The following LRP1B variants were observed in gnomAD, a reference collection of about 807,000 sequenced individuals.
The protein encoded by LRP1B is LDL receptor related protein 1B, also known as low-density lipoprotein receptor-related protein 1B.
A neutral mutation model predicts 556.6 loss-of-function variants in LRP1B; 217 were observed. The ratio of observed to expected loss-of-function variants is 0.39; its 90% CI spans 0.35 to 0.44. The LOEUF is 0.44. LRP1B is among the 20% of genes least tolerant of loss of function. The probability of loss-of-function intolerance (pLI) is 1.00; values close to 1 mark genes in which losing one functional copy is unlikely to be tolerated. For synonymous variants in LRP1B, 2,047 were observed against 1,865.8 expected, an observed-to-expected ratio of 1.10 and a Z score of -2.50; for missense variants, 5,053 against 5,620.8, an observed-to-expected ratio of 0.90 and a Z score of 3.23.
chr2:140,339,081 C>A lies in LRP1B; in HGVS notation c.11893-3243G>T, dbSNP rs140039734. Among the ~76,000 whole-genome samples, 650 of 151,840 alleles carry A rather than the reference C, an allele frequency of 4.3e-3. 9 individuals carry two copies. The highest frequency in any genetic ancestry group is 0.042 in the East Asian group (217 of 5,136). On this transcript the variant is annotated intron_variant, in intron 77 of 90. Transcript: ENST00000389484. ...TCTAACAAGCTCTCTAAATACACAG[C>A]CAGTTTTGAGACCTGAGGCATCCTT...
intron 3 of LRP1B, among the ~76,000 whole-genome samples, chr2:141,471,125 A>G (rs1682446764): frequency 6.6e-6 from 1 of 152,166 alleles, no homozygotes; most frequent in Admixed American, 6.5e-5. Context: ...CAAGTTTTAT[A>G]ATTACAGTAA....
chr2:141,051,287 A>G (rs1175986419), intron 10 of LRP1B, among the ~76,000 whole-genome samples: 4 of 152,106 alleles, frequency 2.6e-5, no homozygotes, highest in Non-Finnish European at 4.4e-5. Flanking sequence ...CTATATACCC[A>G]AAGGATTATA....
chr2:141,941,144 A>T (rs540043134), intron 1 of LRP1B, among the ~76,000 whole-genome samples: 5 of 152,376 alleles, frequency 3.3e-5, no homozygotes, highest in African/African-American at 1.2e-4. Flanking sequence ...TAGTTAAGCA[A>T]CATAAAAGGA....
At chr2:140,987,293 T>A (rs189506085) in intron 17 of LRP1B, among the ~76,000 whole-genome samples, 1 of 152,130 alleles carries the variant, frequency 6.6e-6, no homozygotes, top group Non-Finnish European at 1.5e-5. Context: ...GCTCTTAAGG[T>A]GGCATTTAAG....
At chr2:140,884,697 A>C (rs77636460) in intron 24 of LRP1B, among the ~76,000 whole-genome samples, 6,353 of 152,166 alleles carry the variant, frequency 0.042, 435 homozygotes, top group African/African-American at 0.14. Context: ...TTTCTTTCAC[A>C]ATTTAAAAAA....
intron 37 of LRP1B, among the ~76,000 whole-genome samples, chr2:140,711,117 C>CT (rs1450643488): frequency 6.6e-6 from 1 of 151,978 alleles, no homozygotes; most frequent in Non-Finnish European, 1.5e-5. Flanking sequence ...AAGAAGGAAA[C>CT]CTTTTTCTGA....
chr2:140,233,378 A>G lies in LRP1B; in HGVS notation c.13660-52T>C, dbSNP rs1177576565. On this transcript the variant is annotated intron_variant, in intron 90 of 90. Transcript: ENST00000389484. ...TTTTATTACTGGTCTTGGCCACATT[A>G]ATTATTTACTTCCTAGAATGTCCAT... is the stretch of plus-strand genomic sequence containing the variant. The G allele has an allele frequency of 1.2e-5, 15 of 1,298,994 alleles. No individual in the cohort carries two copies. In the East Asian group the frequency reaches 3.3e-4, roughly 29 times the overall value. 80.5% of individuals were successfully genotyped at this position (1,298,994 alleles called of 1,614,324 possible).
rs562398091 is a variant in LRP1B, at chr2:140,618,813, C to T, written c.6800-17174G>A. Among the ~76,000 whole-genome samples the T allele has an allele frequency of 2.2e-4, 33 of 151,936 alleles. 1 individual carries two copies. Among genetic ancestry groups the T allele is most frequent in the African/African-American group, 8.0e-4 (33 of 41,460 alleles). ...ATTCAGGACAGAAATAGTCATATCC[C>T]TTTGAGTCAGAGTTGGGGGCAAGAC... On this transcript the variant is annotated intron_variant, in intron 41 of 90. Coordinates refer to ENST00000389484, the MANE Select transcript of LRP1B (RefSeq NM_018557.3).
intron 32 of LRP1B, among the ~76,000 whole-genome samples, chr2:140,799,744 A>G (rs1690439269): frequency 6.6e-6 from 1 of 152,222 alleles, no homozygotes; most frequent in Admixed American, 6.5e-5. Flanking sequence ...AAATCTAAAC[A>G]TCATGGATTA....
At chr2:142,124,482 A>T (rs2105017504) in intron 1 of LRP1B, among the ~76,000 whole-genome samples, 1 of 152,008 alleles carries the variant, frequency 6.6e-6, no homozygotes, top group African/African-American at 2.4e-5. Context: ...CACTATATAT[A>T]TTCTTTATTG....
chr2:141,869,581 A>G (rs1170417849), intron 1 of LRP1B, among the ~76,000 whole-genome samples: 2 of 152,122 alleles, frequency 1.3e-5, no homozygotes, highest in Admixed American at 1.3e-4. Flanking sequence ...AACAGAAAAC[A>G]TATGGGTCTG....
At chr2:141,594,074 G>A (rs957859247) in intron 2 of LRP1B, among the ~76,000 whole-genome samples, 2 of 151,756 alleles carry the variant, frequency 1.3e-5, no homozygotes, top group Admixed American at 6.6e-5. Context: ...TCTTTGCTTT[G>A]ACCCTTTTTG....
chr2:142,099,605 C>A (rs1473092185), intron 1 of LRP1B, among the ~76,000 whole-genome samples: 1 of 151,888 alleles, frequency 6.6e-6, no homozygotes, highest in Non-Finnish European at 1.5e-5. Flanking sequence ...CCAAATCGAA[C>A]TAATGGTCAT....
chr2:142,103,244 G>A (rs971252260), intron 1 of LRP1B, among the ~76,000 whole-genome samples: 1 of 151,858 alleles, frequency 6.6e-6, no homozygotes, highest in African/African-American at 2.4e-5. Flanking sequence ...TAAATTATGA[G>A]ATTAATTTGT....
intron 11 of LRP1B, among the ~76,000 whole-genome samples, chr2:141,037,098 A>G (rs955742131): frequency 6.6e-6 from 1 of 152,024 alleles, no homozygotes; most frequent in Non-Finnish European, 1.5e-5. Flanking sequence ...GAGAAGGATA[A>G]GAGTGTGGAG....
chr2:141,480,159 T>TTGTG (rs5834837), intron 3 of LRP1B, among the ~76,000 whole-genome samples: 8,372 of 149,856 alleles, frequency 0.056, 293 homozygotes, highest in Middle Eastern at 0.11. Flanking sequence ...AAGTCTAAAT[T>TTGTG]TGTGTGTGTG....
intron 2 of LRP1B, among the ~76,000 whole-genome samples, chr2:141,740,545 C>T (rs560033015): frequency 8.9e-4 from 136 of 152,248 alleles, no homozygotes; most frequent in African/African-American, 3.1e-3. Context: ...CGAGGGTAAA[C>T]AGGGCATCCA....
chr2:140,703,865 T>C lies in LRP1B; in HGVS notation c.6024-1312A>G, dbSNP rs576197348. On this transcript the variant is annotated intron_variant, in intron 37 of 90. Coordinates refer to ENST00000389484, the MANE Select transcript of LRP1B (RefSeq NM_018557.3). Reference sequence around the variant, plus strand: ...GGCTGTTTTCATTGCTTCAAAGTATTCCACAGTATAGATGTACATTTTCTT... The same window carrying C: ...GGCTGTTTTCATTGCTTCAAAGTATCCCACAGTATAGATGTACATTTTCTT... Among the ~76,000 whole-genome samples the C allele has an allele frequency of 2.6e-5, 4 of 152,310 alleles. No homozygotes were observed. In the East Asian group the frequency reaches 7.7e-4, roughly 29 times the overall value.
intron 1 of LRP1B, among the ~76,000 whole-genome samples, chr2:142,119,831 C>A (rs1402421049): frequency 6.6e-6 from 1 of 152,060 alleles, no homozygotes; most frequent in Non-Finnish European, 1.5e-5. Context: ...CACAAGCAAG[C>A]TTTCCTTGAC....
Sources: allele counts gnomAD v4.1 joint callset (sites outside exome capture counted in the v4.1 genomes callset), GRCh38; gene constraint gnomAD v4.1.1; transcripts MANE v1.5; gene names NCBI Gene and HGNC (gene_info 2026-07-23, HGNC 2026-07-21).